PTPRE: variants seen among roughly 807,000 people sequenced by gnomAD.
PTPRE encodes the protein protein tyrosine phosphatase receptor type E, also known as receptor-type tyrosine-protein phosphatase epsilon.
In PTPRE, 51 loss-of-function variants were observed where a neutral mutation model predicts 102.0. The ratio of observed to expected loss-of-function variants is 0.50; its 90% CI spans 0.40 to 0.63. The LOEUF (loss-of-function observed/expected upper bound fraction) is 0.63, where lower values mean the gene tolerates loss of function less well. Among genes scored for constraint, PTPRE ranks in the 30% least tolerant of loss-of-function variants. The pLI is 0.00. For synonymous variants in PTPRE, 345 were observed against 348.2 expected (o/e 0.99, Z 0.10); for missense variants, 752 against 915.1 (o/e 0.82, Z 2.30).
chr10:128,054,484 G>A (rs1848794322), intron 6 of PTPRE, among the ~76,000 whole-genome samples: 1 of 152,120 alleles, frequency 6.6e-6, no homozygotes, highest in Non-Finnish European at 1.5e-5. Flanking sequence ...GGAACTACAG[G>A]CGGCGTAGGT....
chr10:128,000,015 C>G, intron 2 of PTPRE: 1 of 961,746 alleles, frequency 1.0e-6, no homozygotes, highest in Admixed American at 6.2e-5. Context: ...CCAGAATGTT[C>G]CTTCTGTTGC....
At chr10:128,073,531 C>A (rs11016053) in intron 17 of PTPRE, 60 bp downstream of exon 17, 1 of 1,562,394 alleles carries the variant, frequency 6.4e-7, no homozygotes, top group African/African-American at 1.4e-5. Flanking sequence ...AGGCACTGTC[C>A]CCGTTCATTA....
intron 2 of PTPRE, among the ~76,000 whole-genome samples, chr10:128,025,088 G>C (rs1168042286): frequency 2.2e-5 from 3 of 133,354 alleles, no homozygotes; most frequent in Non-Finnish European, 4.6e-5. Context: ...GAGCCCAGGA[G>C]TTTGAGGCTG....
rs117841156 is a variant in PTPRE at position 127,983,369 on chromosome 10, A to G, written c.-8+1073A>G. ...TGTCTATGTTCTCCATTGCATCATT[A>G]TAAGACGTTGTTGATTCTGAATGGG... On this transcript the variant is annotated intron_variant, in intron 2 of 20. Transcript: ENST00000254667. 3.7e-4 allele frequency among the ~76,000 whole-genome samples: 56 copies of G among 152,342 alleles called. No individual in the cohort carries two copies. In the East Asian group the frequency reaches 8.3e-3, roughly 23 times the overall value.
At chr10:127,938,822 C>T (rs891533382) in intron 1 of PTPRE, among the ~76,000 whole-genome samples, 2 of 152,114 alleles carry the variant, frequency 1.3e-5, no homozygotes, top group African/African-American at 4.8e-5. Context: ...TGCCAGCAGG[C>T]AATATCTTCA....
At chr10:127,926,837 A>T (rs1301590560) in intron 1 of PTPRE, among the ~76,000 whole-genome samples, 5 of 119,348 alleles carry the variant, frequency 4.2e-5, no homozygotes, top group Non-Finnish European at 8.2e-5. Context: ...TTTGAGATAG[A>T]GTCTTACTCT....
chr10:127,908,927 C>G (rs1278315322), intron 1 of PTPRE, among the ~76,000 whole-genome samples: 1 of 152,266 alleles, frequency 6.6e-6, no homozygotes, highest in Non-Finnish European at 1.5e-5. Flanking sequence ...TAGTCACACA[C>G]TCCCTCATCA....
At chr10:127,984,760 C>T (rs535764095) in intron 2 of PTPRE, among the ~76,000 whole-genome samples, 6 of 152,316 alleles carry the variant, frequency 3.9e-5, no homozygotes, top group Admixed American at 2.0e-4. Context: ...CTTCTCTTGT[C>T]TGTGCCATGT....
intron 1 of PTPRE, among the ~76,000 whole-genome samples, chr10:127,918,374 C>T (rs1268301535): frequency 3.3e-5 from 5 of 151,754 alleles, no homozygotes; most frequent in African/African-American, 4.8e-5. Flanking sequence ...CTGGCTAACA[C>T]GGTGAAACCC....
rs142927693 is a variant in PTPRE at position 128,043,557 on chromosome 10, C to A, written c.109+2567C>A. Among the ~76,000 whole-genome samples, 126 of 152,338 alleles carry A rather than the reference C, an allele frequency of 8.3e-4. 1 individual carries two copies. The highest frequency in any genetic ancestry group is 2.9e-3 in the African/African-American group (122 of 41,578). On this transcript the variant is annotated intron_variant, in intron 3 of 20. Coordinates refer to ENST00000254667, the MANE Select transcript of PTPRE (RefSeq NM_006504.6). Reference sequence around the variant, plus strand: ...GTCCTGGGGGAGTTAGAGACCTCCGCTGTGGATGAATGTAGAAGTTGGACA... The same window carrying A: ...GTCCTGGGGGAGTTAGAGACCTCCGATGTGGATGAATGTAGAAGTTGGACA...
chr10:127,980,798 TAG>T (rs2135460630), intron 1 of PTPRE, among the ~76,000 whole-genome samples: 1 of 152,330 alleles, frequency 6.6e-6, no homozygotes, highest in South Asian at 2.1e-4. Flanking sequence ...TTGTGTGCTG[TAG>T]AGTCTTTATT....
chr10:127,936,248 A>G (rs1305232634), intron 1 of PTPRE: 1 of 152,222 alleles, frequency 6.6e-6, no homozygotes, highest in East Asian at 1.9e-4. Flanking sequence ...ACCACTAGCT[A>G]CAAACATCAT....
At chr10:127,995,853 A>G (rs202148036) in intron 2 of PTPRE, among the ~76,000 whole-genome samples, 28 of 140,588 alleles carry the variant, frequency 2.0e-4, no homozygotes, top group Admixed American at 2.8e-4. Flanking sequence ...ACACACACAC[A>G]CACGCACGCA....
chr10:127,954,311 T>C (rs771794989), intron 1 of PTPRE, among the ~76,000 whole-genome samples: 4 of 152,206 alleles, frequency 2.6e-5, no homozygotes, highest in Non-Finnish European at 5.9e-5. Context: ...GTCCCCAGTA[T>C]GGCACCATTC....
chr10:128,018,096 G>T (rs543810813), intron 2 of PTPRE, among the ~76,000 whole-genome samples: 5 of 152,162 alleles, frequency 3.3e-5, no homozygotes, highest in Non-Finnish European at 5.9e-5. Context: ...CCCGGGCTGA[G>T]AGTGGAAATT....
intron 1 of PTPRE, among the ~76,000 whole-genome samples, chr10:127,945,092 A>T (rs1409280783): frequency 6.6e-6 from 1 of 152,076 alleles, no homozygotes. Flanking sequence ...CCTTCATTGG[A>T]CCTCAGGAAA....
intron 7 of PTPRE, among the ~76,000 whole-genome samples, chr10:128,057,227 AAAAG>A (rs966606950): frequency 6.6e-6 from 1 of 152,006 alleles, no homozygotes; most frequent in African/African-American, 2.4e-5. Flanking sequence ...CAAAAAAAAA[AAAAG>A]ATCTGGCCCA....
chr10:127,909,657 ATGTATGCCAGACTATAGTTTC>A (rs1845733001), intron 1 of PTPRE, among the ~76,000 whole-genome samples: 1 of 152,192 alleles, frequency 6.6e-6, no homozygotes, highest in Admixed American at 6.5e-5. Flanking sequence ...TGCTTCTGAA[ATGTATGCCAGACTATAGTTTC>A]TGTGAAGAGA....
At chr10:128,014,655 A>G (rs900509605) in intron 2 of PTPRE, among the ~76,000 whole-genome samples, 1 of 152,132 alleles carries the variant, frequency 6.6e-6, no homozygotes, top group Non-Finnish European at 1.5e-5. Flanking sequence ...TTTCACTTGG[A>G]ATTTACTAAA....
Sources: allele counts gnomAD v4.1 joint callset (sites outside exome capture counted in the v4.1 genomes callset), GRCh38; gene constraint gnomAD v4.1.1; transcripts MANE v1.5; gene names NCBI Gene and HGNC (gene_info 2026-07-23, HGNC 2026-07-21).